The following CCDC148 variants were observed in gnomAD, a reference collection of about 807,000 sequenced individuals.
The protein encoded by CCDC148 is coiled-coil domain-containing protein 148.
Under a neutral mutation model 85.7 loss-of-function variants are expected in CCDC148, and 89 were observed. That is an observed-to-expected ratio of 1.04 (90% CI 0.87 to 1.24). The LOEUF (loss-of-function observed/expected upper bound fraction) is 1.24. Among genes scored for constraint, CCDC148 ranks in the 50% most tolerant of loss-of-function variants. The pLI is 0.00. For synonymous variants in CCDC148, 230 were observed against 213.9 expected (o/e 1.08, Z -0.66); for missense variants, 692 against 671.7 (o/e 1.03, Z -0.33).
chr2:158,363,653 G>A (rs1246113071), intron 1 of CCDC148, among the ~76,000 whole-genome samples: 4 of 152,068 alleles, frequency 2.6e-5, no homozygotes, highest in Non-Finnish European at 4.4e-5. Flanking sequence ...AGATATTGAT[G>A]GAACATATCT....
intron 11 of CCDC148, among the ~76,000 whole-genome samples, chr2:158,202,028 G>T (rs1685991819): frequency 1.3e-5 from 2 of 152,134 alleles, no homozygotes; most frequent in Admixed American, 6.6e-5. Flanking sequence ...TAGAAATGAT[G>T]AAGCAAATCG....
chr2:158,429,224 A>G (rs1008687590), intron 1 of CCDC148, among the ~76,000 whole-genome samples: 1 of 152,176 alleles, frequency 6.6e-6, no homozygotes, highest in African/African-American at 2.4e-5. Context: ...AACATGGCAC[A>G]TGTATACTTA....
intron 9 of CCDC148, among the ~76,000 whole-genome samples, chr2:158,283,474 T>G (rs867829353): frequency 6.6e-6 from 1 of 152,132 alleles, no homozygotes; most frequent in Non-Finnish European, 1.5e-5. Context: ...AGGATATGAA[T>G]AGACACTTCT....
intron 9 of CCDC148, among the ~76,000 whole-genome samples, chr2:158,275,017 C>A (rs1204043805): frequency 7.2e-5 from 11 of 152,254 alleles, no homozygotes; most frequent in Non-Finnish European, 1.6e-4. Flanking sequence ...ACAAGGCCAA[C>A]TCACTTTGCC....
chr2:158,323,919 CTTTTTT>C (rs777356867), intron 7 of CCDC148, among the ~76,000 whole-genome samples: 89 of 82,968 alleles, frequency 1.1e-3, no homozygotes, highest in Middle Eastern at 0.01. Flanking sequence ...CTGGGAATAA[CTTTTTT>C]TTTTTTTTTT....
intron 7 of CCDC148, among the ~76,000 whole-genome samples, chr2:158,327,062 A>G (rs564478973): frequency 3.3e-5 from 5 of 152,146 alleles, no homozygotes; most frequent in Non-Finnish European, 7.4e-5. Context: ...ACTAGTTCCT[A>G]TTGATATTAA....
intron 1 of CCDC148, among the ~76,000 whole-genome samples, chr2:158,369,749 A>G (rs1684356734): frequency 6.6e-6 from 1 of 152,102 alleles, no homozygotes. Flanking sequence ...GTCTTGTGCC[A>G]GTTTTCAAGG....
intron 11 of CCDC148, among the ~76,000 whole-genome samples, chr2:158,217,686 G>A (rs146299721): frequency 0.015 from 2,284 of 152,216 alleles, 26 homozygotes; most frequent in African/African-American, 0.029. Context: ...TTATAGGCAT[G>A]AGCCACCGCA....
intron 1 of CCDC148, among the ~76,000 whole-genome samples, chr2:158,372,866 C>G (rs1684504622): frequency 6.6e-6 from 1 of 151,916 alleles, no homozygotes; most frequent in Non-Finnish European, 1.5e-5. Context: ...TGTACTTTAC[C>G]CTTGAGCATT....
intron 11 of CCDC148, among the ~76,000 whole-genome samples, chr2:158,213,510 G>C (rs1011668737): frequency 2.0e-5 from 3 of 152,128 alleles, no homozygotes; most frequent in Non-Finnish European, 2.9e-5. Flanking sequence ...CAACAGAGCT[G>C]AACTTCAGAA....
intron 1 of CCDC148, among the ~76,000 whole-genome samples, chr2:158,420,599 GA>G (rs1479545324): frequency 6.6e-6 from 1 of 152,076 alleles, no homozygotes; most frequent in Non-Finnish European, 1.5e-5. Flanking sequence ...ATTAAACATG[GA>G]AAAGAACAAC....
intron 11 of CCDC148, among the ~76,000 whole-genome samples, chr2:158,192,809 G>T (rs1685484827): frequency 6.6e-6 from 1 of 151,308 alleles, no homozygotes; most frequent in Non-Finnish European, 1.5e-5. Context: ...GCCCATTAAG[G>T]ATAGGTTTAT....
chr2:158,189,149 G>A (rs1685298848), intron 11 of CCDC148, among the ~76,000 whole-genome samples: 1 of 151,948 alleles, frequency 6.6e-6, no homozygotes, highest in Non-Finnish European at 1.5e-5. Context: ...TGGTAGGAAT[G>A]TGTACTCAGT....
chr2:158,378,426 G>A (rs1430692875), intron 1 of CCDC148, among the ~76,000 whole-genome samples: 3 of 152,128 alleles, frequency 2.0e-5, no homozygotes, highest in Non-Finnish European at 4.4e-5. Flanking sequence ...ATGCAAGATG[G>A]AGCAGCAAGT....
Position 158,309,492 on chromosome 2 carries a change from T to G in CCDC148, c.1051A>C (p.Ser351Arg). ...TTTTTCTTGTCCTTAGCCAACATGC[T>G]CTCCATTTCATGTGTTGCACAAGCC... ...TEACATHEME[S>R]MLAKDKKKQQ... Residue 351 changes from serine to arginine, a missense_variant, in exon 9 of 14, where the codon AGC (serine) becomes CGC (arginine). Physicochemically the swap from Ser to Arg is moderately radical, Grantham distance 110. Coordinates refer to ENST00000283233, the MANE Select transcript of CCDC148 (RefSeq NM_138803.4). 2 of 1,614,190 alleles carry G rather than the reference T, an allele frequency of 1.2e-6. No individual in the cohort carries two copies. Among genetic ancestry groups the G allele is most frequent in the Admixed American group, 1.7e-5 (1 of 60,022 alleles).
chr2:158,335,152 C>A (rs1001428636), intron 7 of CCDC148, among the ~76,000 whole-genome samples: 1 of 151,746 alleles, frequency 6.6e-6, no homozygotes, highest in Admixed American at 6.6e-5. Context: ...AGGCCCTGCC[C>A]TGTCTTCAAA....
At chr2:158,361,158 A>C (rs1252963860) in intron 1 of CCDC148, among the ~76,000 whole-genome samples, 1 of 152,122 alleles carries the variant, frequency 6.6e-6, no homozygotes, top group Non-Finnish European at 1.5e-5. Flanking sequence ...AAAGCCACCA[A>C]GAAATATGGG....
chr2:158,181,239 T>C (rs1230422917), intron 11 of CCDC148, among the ~76,000 whole-genome samples: 1 of 152,188 alleles, frequency 6.6e-6, no homozygotes, highest in East Asian at 1.9e-4. Flanking sequence ...GTAATAGTTG[T>C]TACAGTCAGG....
intron 1 of CCDC148, among the ~76,000 whole-genome samples, chr2:158,375,801 C>A (rs942731588): frequency 1.3e-5 from 2 of 152,114 alleles, no homozygotes; most frequent in African/African-American, 2.4e-5. Flanking sequence ...TTTCTTCCTG[C>A]ATGAAATGCG....
Sources: gnomAD v4.1 joint callset for allele counts (sites outside exome capture counted in the v4.1 genomes callset) on GRCh38, gnomAD v4.1.1 for gene constraint, MANE v1.5 for transcripts, NCBI Gene and HGNC (gene_info 2026-07-23, HGNC 2026-07-21) for gene names.